The following SCARA3 variants were observed in gnomAD, a reference collection of about 807,000 sequenced individuals.
SCARA3 encodes scavenger receptor class A member 3, also known as cellular stress response gene protein.
Under a neutral mutation model 47.0 loss-of-function variants are expected in SCARA3, and 39 were observed. The observed-to-expected ratio is 0.83, with a 90% CI of 0.64 to 1.08. The LOEUF is 1.08. SCARA3 is among the 50% of genes least tolerant of loss of function. The pLI, the probability that SCARA3 is intolerant of heterozygous loss-of-function variation, is 0.00. For synonymous variants in SCARA3, 356 were observed against 334.1 expected (o/e 1.07, Z -0.71); for missense variants, 724 against 792.3 (o/e 0.91, Z 1.04).
intron 1 of SCARA3, among the ~76,000 whole-genome samples, chr8:27,640,824 G>A (rs940936717): frequency 2.6e-5 from 4 of 151,912 alleles, no homozygotes; most frequent in African/African-American, 9.7e-5. Context: ...AGCCTCCCAA[G>A]TAACTGGGAC....
chr8:27,646,647 C>T (rs2128916837), intron 1 of SCARA3, among the ~76,000 whole-genome samples: 1 of 152,238 alleles, frequency 6.6e-6, no homozygotes, highest in Admixed American at 6.5e-5. Flanking sequence ...GAATACAGCC[C>T]ACAGCCCACA....
chr8:27,672,423 GC>G lies in SCARA3; in HGVS notation c.*1074del. On this transcript the variant is annotated 3_prime_UTR_variant, in exon 6 of 6. Transcript: ENST00000301904. ...GCCTCCCTTGCTCTCCCTGAGGCTG[GC>G]CTGCCCCATTCCCCAAGGGGGCTCC... is the stretch of plus-strand genomic sequence containing the variant. 1 of 985,534 alleles carries G rather than the reference GC, an allele frequency of 1.0e-6. No individual in the cohort carries two copies. Among genetic ancestry groups the G allele is most frequent in the Non-Finnish European group, 1.2e-6 (1 of 830,018 alleles). The allele number at this position is 985,534 out of a possible 1,614,324, so 61.0% of individuals were successfully genotyped here.
At chr8:27,637,524 C>T (rs1585268719) in intron 1 of SCARA3, among the ~76,000 whole-genome samples, 2 of 152,310 alleles carry the variant, frequency 1.3e-5, no homozygotes, top group South Asian at 2.1e-4. Flanking sequence ...CCCCGTTGTC[C>T]TCCTGGGTGG....
chr8:27,694,537 T>C, the SCARA3 span, among the ~76,000 whole-genome samples: 1,138 of 152,224 alleles, frequency 7.5e-3, 23 homozygotes, highest in East Asian at 0.072. Context: ...TATTTTAATA[T>C]CCTAGGAAAG....
rs188483130 is a variant in SCARA3 at position 27,658,896 on chromosome 8, C to T, written c.726C>T (p.Asp242=). 33 of 1,614,158 alleles carry T rather than the reference C, an allele frequency of 2.0e-5. No homozygotes were observed. Among genetic ancestry groups the T allele is most frequent in the Middle Eastern group, 1.6e-4 (1 of 6,062 alleles). The part of the protein sequence containing the change: ...EWIHGIQRKT[D]EETLTLQKIV... ...TCCACGGGATCCAGCGGAAGACAGA[C>T]GAGGAGACCCTGACCCTCCAGAAGA... is the stretch of plus-strand genomic sequence containing the variant. The change falls in exon 5 of 6, where the codon GAC becomes GAT. Residue 242 remains aspartate (D), a synonymous_variant. Coordinates refer to ENST00000301904, the MANE Select transcript of SCARA3 (RefSeq NM_016240.3).
At chr8:27,706,051 G>A in the SCARA3 span, among the ~76,000 whole-genome samples, 1 of 152,356 alleles carries the variant, frequency 6.6e-6, no homozygotes, top group South Asian at 2.1e-4. Flanking sequence ...GCTGGAGATG[G>A]AACATGTTTG....
chr8:27,684,377 C>A, the SCARA3 span, among the ~76,000 whole-genome samples: 1 of 152,222 alleles, frequency 6.6e-6, no homozygotes, highest in African/African-American at 2.4e-5. Flanking sequence ...AAATTAATAG[C>A]CTTGAACATC....
At chr8:27,649,297 A>T (rs1801579770) in intron 1 of SCARA3, among the ~76,000 whole-genome samples, 1 of 152,174 alleles carries the variant, frequency 6.6e-6, no homozygotes, top group African/African-American at 2.4e-5. Context: ...CTGTGGCCAG[A>T]TTCAGCCTTG....
At chr8:27,730,155 T>C in the SCARA3 span, among the ~76,000 whole-genome samples, 1 of 152,184 alleles carries the variant, frequency 6.6e-6, no homozygotes. Context: ...TTTGGGTCAT[T>C]CTACATGGAG....
rs1400319832 is a variant in SCARA3, at chr8:27,671,634, ACATG to A, written c.*290_*293del. On this transcript the variant is annotated 3_prime_UTR_variant, in exon 6 of 6. Coordinates refer to ENST00000301904, the MANE Select transcript of SCARA3 (RefSeq NM_016240.3). ...CATGCATGCACACATACACAGGCAT[ACATG>A]CATGCACACACACATGCACGCACAC... is the stretch of plus-strand genomic sequence containing the variant. 1 of 1,153,590 alleles carries A rather than the reference ACATG, an allele frequency of 8.7e-7. No homozygotes were observed. Among genetic ancestry groups the A allele is most frequent in the Non-Finnish European group, 1.1e-6 (1 of 929,988 alleles). 71.5% of individuals were successfully genotyped at this position (1,153,590 alleles called of 1,614,324 possible). A position where few individuals can be genotyped will look rare whatever the true frequency, so the allele number is the denominator to read the frequency against.
At chr8:27,724,330 G>A in the SCARA3 span, among the ~76,000 whole-genome samples, 1 of 152,256 alleles carries the variant, frequency 6.6e-6, no homozygotes, top group African/African-American at 2.4e-5. Flanking sequence ...GCAAGTAGGA[G>A]AATATAGTCC....
the SCARA3 span, among the ~76,000 whole-genome samples, chr8:27,731,984 C>G: frequency 6.6e-6 from 1 of 152,210 alleles, no homozygotes; most frequent in Non-Finnish European, 1.5e-5. Context: ...AGCTTCAAGT[C>G]TGACAGATCA....
At chr8:27,713,389 T>C in the SCARA3 span, among the ~76,000 whole-genome samples, 6 of 152,246 alleles carry the variant, frequency 3.9e-5, no homozygotes, top group African/African-American at 1.4e-4. Context: ...AGGTGGTGAC[T>C]GCCAGGTGTT....
At position 27,649,755 on chromosome 8, in the gene SCARA3, G is replaced by C. The variant is rs749431747; in HGVS notation, c.61G>C (p.Ala21Pro). The C allele has an allele frequency of 6.2e-7, 1 of 1,614,186 alleles. No individual in the cohort carries two copies. The highest frequency in any genetic ancestry group is 8.5e-7 in the Non-Finnish European group (1 of 1,180,022). Reference protein sequence around the residue: ...DALCVTEEDLAGDDEDMPTFP... With the variant: ...DALCVTEEDLPGDDEDMPTFP... ...CTTGTGCGTTACAGAAGAGGACCTG[G>C]CGGGTGACGACGAGGACATGCCGAC... The change falls in exon 2 of 6, where the codon GCG becomes CCG. Residue 21 changes from alanine (A) to proline (P), a missense_variant. Transcript: ENST00000301904.
intron 5 of SCARA3, among the ~76,000 whole-genome samples, chr8:27,669,470 C>A (rs1325839383): frequency 1.3e-5 from 2 of 152,232 alleles, no homozygotes; most frequent in Non-Finnish European, 2.9e-5. Context: ...GCCTGGGCCC[C>A]TGGCACTCTG....
the SCARA3 span, among the ~76,000 whole-genome samples, chr8:27,699,794 GA>G: frequency 5.3e-5 from 8 of 150,386 alleles, no homozygotes; most frequent in African/African-American, 1.7e-4. Context: ...ATTTCAGAAA[GA>G]AAAAAAAAGA....
chr8:27,700,259 A>G, the SCARA3 span, among the ~76,000 whole-genome samples: 4 of 152,338 alleles, frequency 2.6e-5, no homozygotes, highest in African/African-American at 9.6e-5. Context: ...TGCAATACAT[A>G]TATGAGACAA....
chr8:27,714,369 AT>A, the SCARA3 span, among the ~76,000 whole-genome samples: 1 of 151,512 alleles, frequency 6.6e-6, no homozygotes, highest in African/African-American at 2.4e-5. Context: ...TAACTTTTGT[AT>A]TTTTAGTAGA....
chr8:27,635,415 G>T (rs1268955072), intron 1 of SCARA3, among the ~76,000 whole-genome samples: 1 of 152,174 alleles, frequency 6.6e-6, no homozygotes, highest in Non-Finnish European at 1.5e-5. Context: ...TTAATGCTCT[G>T]CAGGTGCTAT....
Sources: allele counts gnomAD v4.1 joint callset (sites outside exome capture counted in the v4.1 genomes callset), GRCh38; gene constraint gnomAD v4.1.1; transcripts MANE v1.5; gene names NCBI Gene and HGNC (gene_info 2026-07-23, HGNC 2026-07-21).